CPQ: variants seen among roughly 807,000 people sequenced by gnomAD.
The protein encoded by CPQ is Ser-Met dipeptidase.
Under a neutral mutation model 45.7 loss-of-function variants are expected in CPQ, and 37 were observed. That is an observed-to-expected ratio of 0.81 (90% CI 0.62 to 1.07). The LOEUF is 1.07. CPQ is among the 50% of genes least tolerant of loss of function. The pLI, the probability that CPQ is intolerant of heterozygous loss-of-function variation, is 0.00. For synonymous variants in CPQ, 186 were observed against 205.8 expected, an observed-to-expected ratio of 0.90 and a Z score of 0.82; for missense variants, 537 against 572.9, an observed-to-expected ratio of 0.94 and a Z score of 0.64.
chr8:96,847,597 G>A (rs193223295), intron 3 of CPQ, among the ~76,000 whole-genome samples: 4 of 152,272 alleles, frequency 2.6e-5, no homozygotes, highest in African/African-American at 9.6e-5. Context: ...GACTACCACA[G>A]ATAAGTCAAC....
chr8:97,029,532 T>C (rs370229328), intron 6 of CPQ, 38 bp downstream of exon 6: 33 of 1,530,160 alleles, frequency 2.2e-5, no homozygotes, highest in Admixed American at 3.7e-5. Context: ...CATTTGTACA[T>C]GTAATATACA....
chr8:96,749,161 A>G (rs1181027128), intron 1 of CPQ, among the ~76,000 whole-genome samples: 1 of 152,166 alleles, frequency 6.6e-6, no homozygotes, highest in Non-Finnish European at 1.5e-5. Context: ...TGTTAAATGA[A>G]TGTCTTGTTT....
chr8:97,022,996 C>CTGTATAT (rs1563557037), intron 5 of CPQ, among the ~76,000 whole-genome samples: 1 of 143,366 alleles, frequency 7.0e-6, no homozygotes, highest in Non-Finnish European at 1.5e-5. Context: ...TATATATATA[C>CTGTATAT]AGTATATATA....
intron 7 of CPQ, among the ~76,000 whole-genome samples, chr8:97,118,599 T>A (rs551753746): frequency 3.3e-5 from 5 of 152,294 alleles, no homozygotes; most frequent in African/African-American, 4.8e-5. Flanking sequence ...CAAGTGATAA[T>A]GTAGGAAGCA....
chr8:97,070,760 G>A (rs1302603512), intron 7 of CPQ, among the ~76,000 whole-genome samples: 1 of 152,146 alleles, frequency 6.6e-6, no homozygotes, highest in East Asian at 1.9e-4. Context: ...ATGACTTAAA[G>A]TGACCTAAGA....
Position 96,854,545 on chromosome 8 carries a change from A to AC in CPQ, c.641+19365_641+19366insC, listed in dbSNP as rs1383188144. On this transcript the variant is annotated intron_variant, in intron 3 of 7. Coordinates refer to ENST00000220763, the MANE Select transcript of CPQ (RefSeq NM_016134.4). ...GACTCCGTCTCAAAAAAAAAAAAAA[A>AC]AAAAAAAAAAAAAATGTGGTGGAAC... Among the ~76,000 whole-genome samples, 8 of 115,642 alleles carry AC rather than the reference A, an allele frequency of 6.9e-5. 1 individual carries two copies. The South Asian group carries it at 1.1e-3, about 15-fold the overall frequency. 75.9% of individuals were successfully genotyped at this position (115,642 alleles called of 152,430 possible).
intron 1 of CPQ, among the ~76,000 whole-genome samples, chr8:96,708,036 A>G (rs1157645849): frequency 6.6e-6 from 1 of 152,056 alleles, no homozygotes; most frequent in Non-Finnish European, 1.5e-5. Context: ...TTTAGGAGAG[A>G]GTCCATTTTC....
chr8:97,123,454 A>C (rs1586552957), intron 7 of CPQ, among the ~76,000 whole-genome samples: 1 of 151,470 alleles, frequency 6.6e-6, no homozygotes, highest in Non-Finnish European at 1.5e-5. Context: ...TATGAAGTAC[A>C]TATCTAATGA....
intron 2 of CPQ, among the ~76,000 whole-genome samples, chr8:96,785,765 G>A (rs1351616491): frequency 1.3e-5 from 2 of 152,134 alleles, no homozygotes; most frequent in African/African-American, 4.8e-5. Flanking sequence ...TTATAGAACT[G>A]AGGCTTCTCC....
In CPQ at chr8:96,693,480, T is replaced by A. The variant is rs923276282; in HGVS notation, c.-35+48078T>A. 5.3e-5 allele frequency among the ~76,000 whole-genome samples: 8 copies of A among 151,876 alleles called. No homozygotes were observed. In the South Asian group the frequency reaches 1.7e-3, roughly 32 times the overall value. On this transcript the variant is annotated intron_variant, in intron 1 of 7. Transcript: ENST00000220763. ...CTAAAAGCAAGAAAAAAGAAACAAATAACATACAATGGATCTCCAATACAT... is the reference window on the plus strand; with the variant it reads ...CTAAAAGCAAGAAAAAAGAAACAAAAAACATACAATGGATCTCCAATACAT...
intron 7 of CPQ, among the ~76,000 whole-genome samples, chr8:97,116,468 G>A (rs1279283197): frequency 6.6e-6 from 1 of 152,188 alleles, no homozygotes; most frequent in African/African-American, 2.4e-5. Context: ...TTAGAATAAG[G>A]CCTTCAGTGG....
At chr8:96,655,005 C>T (rs541549172) in intron 1 of CPQ, among the ~76,000 whole-genome samples, 3 of 151,886 alleles carry the variant, frequency 2.0e-5, no homozygotes, top group Non-Finnish European at 2.9e-5. Context: ...ATCCTTTCTC[C>T]TCAATGATTT....
At chr8:96,765,668 T>C (rs1297361290) in intron 1 of CPQ, among the ~76,000 whole-genome samples, 1 of 152,208 alleles carries the variant, frequency 6.6e-6, no homozygotes, top group East Asian at 1.9e-4. Flanking sequence ...CCATGGAGAC[T>C]ATCCAGTAGG....
At chr8:96,723,021 C>T (rs1809785786) in intron 1 of CPQ, among the ~76,000 whole-genome samples, 1 of 152,100 alleles carries the variant, frequency 6.6e-6, no homozygotes, top group Non-Finnish European at 1.5e-5. Context: ...AGAAAGATTG[C>T]CTTAAAATGA....
In CPQ at chr8:97,065,165, T is replaced by C. The variant is rs570846624; in HGVS notation, c.1054-844T>C. Reference sequence around the variant, plus strand: ...TGGCAGTTGGTAGGTCTTGAAGATGTGGTTGGCTCCTGGGAAACAGATGAG... The same window carrying C: ...TGGCAGTTGGTAGGTCTTGAAGATGCGGTTGGCTCCTGGGAAACAGATGAG... On this transcript the variant is annotated intron_variant, in intron 6 of 7. Coordinates refer to ENST00000220763, the MANE Select transcript of CPQ (RefSeq NM_016134.4). 1.4e-4 allele frequency among the ~76,000 whole-genome samples: 21 copies of C among 152,268 alleles called. No individual in the cohort carries two copies. In the East Asian group the frequency reaches 3.3e-3, roughly 24 times the overall value.
At chr8:96,979,191 A>G (rs1341602612) in intron 5 of CPQ, among the ~76,000 whole-genome samples, 1 of 152,138 alleles carries the variant, frequency 6.6e-6, no homozygotes, top group Non-Finnish European at 1.5e-5. Flanking sequence ...TGTGAAGGGT[A>G]CTGGATGCAA....
chr8:97,086,289 G>T lies in CPQ; in HGVS notation c.1255+20079G>T, dbSNP rs180670707. ...TTTAAATGAACTATAGAATGCTCAG[G>T]GGGTAAAGGGAAGCTAATATTTATT... On this transcript the variant is annotated intron_variant, in intron 7 of 7. Coordinates refer to ENST00000220763, the MANE Select transcript of CPQ (RefSeq NM_016134.4). Among the ~76,000 whole-genome samples, 252 of 152,224 alleles carry T rather than the reference G, an allele frequency of 1.7e-3. 3 individuals carry two copies. The highest frequency in any genetic ancestry group is 0.013 in the Admixed American group (195 of 15,290).
intron 1 of CPQ, among the ~76,000 whole-genome samples, chr8:96,763,432 G>A (rs559844531): frequency 1.3e-5 from 2 of 151,958 alleles, no homozygotes; most frequent in Non-Finnish European, 2.9e-5. Context: ...TCCCTGTTTC[G>A]TTCCACTGAA....
chr8:96,998,411 A>G (rs928075770), intron 5 of CPQ, among the ~76,000 whole-genome samples: 4 of 151,906 alleles, frequency 2.6e-5, no homozygotes, highest in Non-Finnish European at 5.9e-5. Context: ...CACGGAAATT[A>G]GAAATTACCA....
Sources: gnomAD v4.1 joint callset for allele counts (sites outside exome capture counted in the v4.1 genomes callset) on GRCh38, gnomAD v4.1.1 for gene constraint, MANE v1.5 for transcripts, NCBI Gene and HGNC (gene_info 2026-07-23, HGNC 2026-07-21) for gene names.